The following KLRF1 variants were observed in gnomAD, a reference collection of about 807,000 sequenced individuals.
KLRF1 encodes the protein killer cell lectin like receptor F1, also known as killer cell lectin-like receptor subfamily F member 1.
A neutral mutation model predicts 30.7 loss-of-function variants in KLRF1; 27 were observed. That is an observed-to-expected ratio of 0.88 (90% CI 0.65 to 1.21). KLRF1 has a LOEUF of 1.21. Among genes scored for constraint, KLRF1 ranks in the 50% most tolerant of loss-of-function variants. The pLI is 0.00. For missense variants in KLRF1, 246 were observed against 259.3 expected (o/e 0.95, Z 0.35); for synonymous variants, 92 against 89.3 (o/e 1.03, Z -0.17).
upstream of KLRF1, among the ~76,000 whole-genome samples, chr12:9,826,359 T>A (rs1459764973): frequency 6.6e-6 from 1 of 152,106 alleles, no homozygotes; most frequent in African/African-American, 2.4e-5. Flanking sequence ...CGAATGGCTA[T>A]TATTAAAAAG....
At chr12:9,821,986 G>A in the KLRF1 span, among the ~76,000 whole-genome samples, 1 of 152,200 alleles carries the variant, frequency 6.6e-6, no homozygotes, top group Non-Finnish European at 1.5e-5. Flanking sequence ...CCTCAACCCT[G>A]TGAATACATC....
upstream of KLRF1, among the ~76,000 whole-genome samples, chr12:9,827,216 C>G (rs748112820): frequency 2.6e-5 from 4 of 152,036 alleles, no homozygotes; most frequent in Non-Finnish European, 4.4e-5. Flanking sequence ...AACCTCACCT[C>G]AAAAAGGGGC....
the KLRF1 span, among the ~76,000 whole-genome samples, chr12:9,815,731 C>A: frequency 6.6e-6 from 1 of 152,206 alleles, no homozygotes; most frequent in Admixed American, 6.5e-5. Context: ...CTCCTGGCTT[C>A]CAGGCATAGT....
rs763985817 is a variant in KLRF1, at chr12:9,844,899, G to A, written c.*373G>A. 6.5e-6 allele frequency: 1 copy of A among 154,072 alleles called. No homozygotes were observed. The highest frequency in any genetic ancestry group is 2.0e-4 in the South Asian group (1 of 4,964). 9.5% of individuals were successfully genotyped at this position (154,072 alleles called of 1,614,324 possible). A position where few individuals can be genotyped will look rare whatever the true frequency, so the allele number is the denominator to read the frequency against. On this transcript the variant is annotated 3_prime_UTR_variant, in exon 6 of 6. Coordinates refer to ENST00000617889, the MANE Select transcript of KLRF1 (RefSeq NM_016523.3). ...ATATTTCTAATGGTTGAATTATAAT[G>A]TGGGTTTATACATTTTTTACCCTTT...
At chr12:9,832,732 C>T (rs1867466696) in intron 2 of KLRF1, among the ~76,000 whole-genome samples, 1 of 151,042 alleles carries the variant, frequency 6.6e-6, no homozygotes, top group Admixed American at 6.6e-5. Context: ...TTCTGTGTTT[C>T]TTGGATACTT....
Position 9,839,552 on chromosome 12 carries a change from A to C in KLRF1, c.335-2260A>C, listed in dbSNP as rs750203927. ...AAAAACACAACCCAGTTTAAAAATG[A>C]ACATTTAAAAATGGATAGACATTTC... is the stretch of plus-strand genomic sequence containing the variant. On this transcript the variant is annotated intron_variant, in intron 3 of 5. Transcript: ENST00000617889. 5.3e-5 allele frequency among the ~76,000 whole-genome samples: 8 copies of C among 152,248 alleles called. No individual in the cohort carries two copies. The East Asian group carries it at 9.7e-4, about 18-fold the overall frequency.
intron 2 of KLRF1, 59 bp from the exon 3 acceptor site, chr12:9,833,244 C>A: frequency 8.5e-7 from 1 of 1,173,400 alleles, no homozygotes; most frequent in Middle Eastern, 2.2e-4. Context: ...TTGAATGTGT[C>A]CCTGAAACAT....
At chr12:9,820,654 C>T in the KLRF1 span, among the ~76,000 whole-genome samples, 2 of 152,170 alleles carry the variant, frequency 1.3e-5, no homozygotes, top group Non-Finnish European at 2.9e-5. Context: ...TGGGCACAGC[C>T]GCTGGACATG....
chr12:9,816,275 C>A, the KLRF1 span, among the ~76,000 whole-genome samples: 5 of 152,210 alleles, frequency 3.3e-5, no homozygotes, highest in Non-Finnish European at 5.9e-5. Context: ...CAAACAAGAT[C>A]TTGGGAAAAG....
At chr12:9,834,834 C>T (rs1867534729) in intron 3 of KLRF1, among the ~76,000 whole-genome samples, 1 of 152,038 alleles carries the variant, frequency 6.6e-6, no homozygotes, top group Non-Finnish European at 1.5e-5. Context: ...AAAAACAACA[C>T]TCTTCATTTA....
chr12:9,838,353 G>T (rs751324255), intron 3 of KLRF1, among the ~76,000 whole-genome samples: 1 of 152,146 alleles, frequency 6.6e-6, no homozygotes, highest in African/African-American at 2.4e-5. Flanking sequence ...TTTTCTGGGG[G>T]GGTGAATAGC....
intron 3 of KLRF1, among the ~76,000 whole-genome samples, chr12:9,836,273 A>G (rs191340429): frequency 6.6e-6 from 1 of 152,194 alleles, no homozygotes; most frequent in East Asian, 1.9e-4. Context: ...CCGAGCCCCA[A>G]AAACTAGTCA....
At chr12:9,837,999 A>G (rs1867618279) in intron 3 of KLRF1, among the ~76,000 whole-genome samples, 1 of 152,158 alleles carries the variant, frequency 6.6e-6, no homozygotes, top group East Asian at 1.9e-4. Context: ...ATCGGACCCC[A>G]AAAGACAAGT....
At chr12:9,812,189 C>T in the KLRF1 span, among the ~76,000 whole-genome samples, 11 of 151,960 alleles carry the variant, frequency 7.2e-5, no homozygotes, top group Non-Finnish European at 1.5e-4. Flanking sequence ...CATGGTGAAA[C>T]CCCGTCTCTA....
At chr12:9,816,372 C>T in the KLRF1 span, among the ~76,000 whole-genome samples, 1 of 152,130 alleles carries the variant, frequency 6.6e-6, no homozygotes, top group Non-Finnish European at 1.5e-5. Context: ...GTTCCCATAC[C>T]TGTACATTCT....
chr12:9,824,006 A>C (rs1314646429), upstream of KLRF1, among the ~76,000 whole-genome samples: 1 of 152,084 alleles, frequency 6.6e-6, no homozygotes, highest in African/African-American at 2.4e-5. Flanking sequence ...TACCAACCAA[A>C]AAAAGCTCAG....
the KLRF1 span, among the ~76,000 whole-genome samples, chr12:9,809,947 A>G: frequency 6.6e-5 from 10 of 152,270 alleles, no homozygotes; most frequent in African/African-American, 1.9e-4. Context: ...CCTGAAGTAT[A>G]CAAAAGGAGA....
rs145519312 is a variant in KLRF1, at chr12:9,839,632, ATCAT to A, written c.335-2174_335-2171del. ...AGCACTTGAAGAGATGTTTAATATG[ATCAT>A]TCATTAGGGAAATATGAAATCAAAA... On this transcript the variant is annotated intron_variant, in intron 3 of 5. Coordinates refer to ENST00000617889, the MANE Select transcript of KLRF1 (RefSeq NM_016523.3). Among the ~76,000 whole-genome samples the A allele has an allele frequency of 4.3e-3, 651 of 152,204 alleles. 6 individuals are homozygous for A. Among genetic ancestry groups the A allele is most frequent in the African/African-American group, 0.015 (618 of 41,552 alleles).
At chr12:9,835,864 A>G (rs1299116321) in intron 3 of KLRF1, among the ~76,000 whole-genome samples, 1 of 152,126 alleles carries the variant, frequency 6.6e-6, no homozygotes, top group Middle Eastern at 3.4e-3. Flanking sequence ...TTTTTTAAGT[A>G]AGTGTGGAGG....
Sources: allele counts gnomAD v4.1 joint callset (sites outside exome capture counted in the v4.1 genomes callset), GRCh38; gene constraint gnomAD v4.1.1; transcripts MANE v1.5; gene names NCBI Gene and HGNC (gene_info 2026-07-23, HGNC 2026-07-21).